TRERF1: variants seen among roughly 807,000 people sequenced by gnomAD.
TRERF1 encodes the protein transcriptional regulating factor 1.
Under a neutral mutation model 122.9 loss-of-function variants are expected in TRERF1, and 27 were observed. The ratio of observed to expected loss-of-function variants is 0.22; its 90% confidence interval spans 0.16 to 0.30. The LOEUF is 0.30. TRERF1 is among the 10% of genes least tolerant of loss of function. The probability of loss-of-function intolerance (pLI) is 1.00; values close to 1 mark genes in which losing one functional copy is unlikely to be tolerated. For synonymous variants in TRERF1, 636 were observed against 641.7 expected (o/e 0.99, Z 0.13); for missense variants, 1,248 against 1,560.3 (o/e 0.80, Z 3.37).
chr6:42,355,595 T>C (rs1770372237), intron 3 of TRERF1, among the ~76,000 whole-genome samples: 1 of 152,214 alleles, frequency 6.6e-6, no homozygotes, highest in South Asian at 2.1e-4. Flanking sequence ...CCCGCAACAG[T>C]TTATATAACA....
chr6:42,396,103 C>A (rs976721546), intron 2 of TRERF1, among the ~76,000 whole-genome samples: 1 of 152,146 alleles, frequency 6.6e-6, no homozygotes, highest in South Asian at 2.1e-4. Context: ...GTTCCCAGTT[C>A]GTCATCTTCT....
rs115354052 is a variant in TRERF1 at position 42,433,934 on chromosome 6, G to A, written c.-454+17243C>T. Among the ~76,000 whole-genome samples, 568 of 152,186 alleles carry A rather than the reference G, an allele frequency of 3.7e-3. 7 individuals carry two copies. The highest frequency in any genetic ancestry group is 0.011 in the African/African-American group (454 of 41,518). On this transcript the variant is annotated intron_variant, in intron 2 of 17. Coordinates refer to ENST00000372922, the Ensembl canonical transcript of TRERF1. ...CAGCTACGGGAGGCTGAGTCAGGAG[G>A]ACCACTTGGGCCCATGAGTTTGAGG...
At chr6:42,290,297 G>T (rs1784084178) in intron 4 of TRERF1, among the ~76,000 whole-genome samples, 1 of 152,232 alleles carries the variant, frequency 6.6e-6, no homozygotes, top group Admixed American at 6.5e-5. Context: ...ACATGACAGA[G>T]GAAGGCAGGG....
In TRERF1 at chr6:42,268,187, A is replaced by C; in HGVS notation, c.1404T>G (p.His468Gln). 4 of 1,463,436 alleles carry C rather than the reference A, an allele frequency of 2.7e-6. No homozygotes were observed. Among genetic ancestry groups the C allele is most frequent in the Non-Finnish European group, 1.8e-6 (2 of 1,106,452 alleles). The allele number at this position is 1,463,436 out of a possible 1,614,324, so 90.7% of individuals were successfully genotyped here. A position where few individuals can be genotyped will look rare whatever the true frequency, so the allele number is the denominator to read the frequency against. ...ACATGGCACTGGGAGACAGCTGCTG[A>C]TGCTGAGGCCCCATGTTGTTGAGGT... is the stretch of plus-strand genomic sequence containing the variant. The change falls in exon 5 of 18, where the codon CAT becomes CAG. Residue 468 changes from histidine to glutamine, a missense_variant. Physicochemically the swap from His to Gln is conservative, Grantham distance 24. Around this residue, in one of 5 missense-constraint regions of TRERF1, gnomAD observed 946 missense variants for 1,073.0 expected, o/e 0.88. Transcript: ENST00000372922. This position sits in a 1 kb window ranked among gnomAD's most constrained non-coding sequence, Gnocchi z 4.4.
intron 3 of TRERF1, among the ~76,000 whole-genome samples, chr6:42,352,173 T>C (rs1769586918): frequency 6.6e-6 from 1 of 152,092 alleles, no homozygotes; most frequent in Non-Finnish European, 1.5e-5. Flanking sequence ...TGGCTAATTT[T>C]TTATGGAGAT....
intron 2 of TRERF1, among the ~76,000 whole-genome samples, chr6:42,433,235 G>A (rs184935620): frequency 2.6e-4 from 39 of 152,058 alleles, no homozygotes; most frequent in African/African-American, 9.4e-4. Context: ...TTTCTCCCTG[G>A]GCCGAGAAGA....
At chr6:42,435,007 G>A (rs1785086683) in intron 2 of TRERF1, among the ~76,000 whole-genome samples, 1 of 152,062 alleles carries the variant, frequency 6.6e-6, no homozygotes, top group Non-Finnish European at 1.5e-5. Flanking sequence ...GTGGGTGCCT[G>A]TAATCCCAGC....
intron 2 of TRERF1, among the ~76,000 whole-genome samples, chr6:42,395,454 T>C (rs1778434935): frequency 6.6e-6 from 1 of 152,138 alleles, no homozygotes; most frequent in Admixed American, 6.5e-5. Flanking sequence ...GCAGGAAGGC[T>C]TTGGCAATGA....
At chr6:42,434,418 T>C (rs911855083) in intron 2 of TRERF1, among the ~76,000 whole-genome samples, 8 of 149,554 alleles carry the variant, frequency 5.3e-5, no homozygotes, top group African/African-American at 2.0e-4. Flanking sequence ...AAAACAGATA[T>C]GTTACTTTCA....
chr6:42,396,476 G>A (rs1004442364), intron 2 of TRERF1, among the ~76,000 whole-genome samples: 3 of 152,118 alleles, frequency 2.0e-5, no homozygotes, highest in African/African-American at 7.2e-5. Context: ...TCCCAAGAGG[G>A]GGAAATGATA....
intron 2 of TRERF1, among the ~76,000 whole-genome samples, chr6:42,377,323 G>T (rs996944016): frequency 3.3e-5 from 5 of 152,080 alleles, no homozygotes; most frequent in African/African-American, 1.2e-4. Flanking sequence ...GTACCCATTC[G>T]CAGTCACTCT....
intron 15 of TRERF1, among the ~76,000 whole-genome samples, chr6:42,240,251 A>C (rs1773374322): frequency 6.6e-6 from 1 of 152,200 alleles, no homozygotes. Flanking sequence ...CATTTAACAA[A>C]CATTTATTGA....
intron 3 of TRERF1, among the ~76,000 whole-genome samples, chr6:42,353,346 G>C (rs756477842): frequency 2.0e-5 from 3 of 152,064 alleles, no homozygotes; most frequent in African/African-American, 4.8e-5. Context: ...CAGCACTTTG[G>C]GAGGGCGAGG....
chr6:42,290,443 G>A (rs1212340181), intron 4 of TRERF1, among the ~76,000 whole-genome samples: 1 of 152,094 alleles, frequency 6.6e-6, no homozygotes, highest in East Asian at 1.9e-4. Context: ...CCCAGCAACT[G>A]CTTTTGAGAA....
chr6:42,372,449 C>T (rs992399709), intron 2 of TRERF1, among the ~76,000 whole-genome samples: 24 of 152,272 alleles, frequency 1.6e-4, no homozygotes, highest in South Asian at 4.1e-4. Flanking sequence ...GGCTTCCCCC[C>T]ACAGGACCAT....
At chr6:42,247,317 T>C (rs538901627) in intron 13 of TRERF1, among the ~76,000 whole-genome samples, 8 of 152,336 alleles carry the variant, frequency 5.3e-5, no homozygotes, top group African/African-American at 1.7e-4. Flanking sequence ...AGGTGTATAT[T>C]ACAAGCAAGA....
At chr6:42,436,817 ATATAT>A (rs1562210439) in intron 2 of TRERF1, among the ~76,000 whole-genome samples, 23 of 75,900 alleles carry the variant, frequency 3.0e-4, no homozygotes, top group East Asian at 7.3e-4. Flanking sequence ...AAAAAAAAAT[ATATAT>A]ATATATATAT....
At chr6:42,353,349 G>A (rs1490717254) in intron 3 of TRERF1, among the ~76,000 whole-genome samples, 1 of 152,078 alleles carries the variant, frequency 6.6e-6, no homozygotes, top group Non-Finnish European at 1.5e-5. Context: ...CACTTTGGGA[G>A]GGCGAGGCGC....
chr6:42,414,894 G>C (rs1781613899), intron 2 of TRERF1, among the ~76,000 whole-genome samples: 1 of 152,230 alleles, frequency 6.6e-6, no homozygotes, highest in Non-Finnish European at 1.5e-5. Context: ...TTGTACATGT[G>C]AGTGTTTCTC....
Sources: allele counts gnomAD v4.1 joint callset (sites outside exome capture counted in the v4.1 genomes callset), GRCh38; gene constraint gnomAD v4.1.1; regional missense constraint gnomAD v4.1.1; non-coding constraint Gnocchi (gnomAD v3.1); transcripts MANE v1.5; gene names NCBI Gene and HGNC (gene_info 2026-07-23, HGNC 2026-07-21).